TTN: variants seen among roughly 807,000 people sequenced by gnomAD.
TTN encodes the protein connectin.
In TTN, 1,525 loss-of-function variants were observed where a neutral mutation model predicts 3,223.0. That is an observed-to-expected ratio of 0.47 (90% confidence interval 0.45 to 0.49). The LOEUF is 0.49. Ranked by LOEUF, TTN falls within the 20% of genes least tolerant of loss-of-function variation. The probability of loss-of-function intolerance (pLI) is 0.00; values close to 1 mark genes in which losing one functional copy is unlikely to be tolerated. For synonymous variants in TTN, 14,094 were observed against 15,161.0 expected, an observed-to-expected ratio of 0.93 and a Z score of 5.17; for missense variants, 40,786 against 43,424.0, an observed-to-expected ratio of 0.94 and a Z score of 5.40.
chr2:178,558,300 A>C, intron 327 of TTN, 41 bp downstream of exon 327: 1 of 1,592,376 alleles, frequency 6.3e-7, no homozygotes, highest in Non-Finnish European at 8.5e-7. Flanking sequence ...AAATCAATGC[A>C]AATAATTTCA....
At chr2:178,675,137 G>A in intron 149 of TTN, 24 bp from the exon 150 acceptor site, 3 of 1,490,136 alleles carry the variant, frequency 2.0e-6, no homozygotes, top group Non-Finnish European at 2.7e-6. Context: ...GATTATTTTA[G>A]ACACTTAAAA....
rs370769662 is a variant in TTN, at chr2:178,546,351, T to C, written c.94980A>G (p.Glu31660=). The change falls in exon 342 of 363, where the codon GAA becomes GAG. Residue 31660 remains glutamate (E), a synonymous_variant. Transcript: ENST00000589042. Reference sequence around the variant, plus strand: ...TGCCAGTATACTGCAAAGAGACTTTTTCACAGAGATCTAGCTCCTTGTCTC... The same window carrying C: ...TGCCAGTATACTGCAAAGAGACTTTCTCACAGAGATCTAGCTCCTTGTCTC... ...TKGDKELDLC[E]KVSLQYTGKR... 24 of 1,613,706 alleles carry C rather than the reference T, an allele frequency of 1.5e-5. No homozygotes were observed. The African/African-American group carries it at 2.3e-4, about 15-fold the overall frequency.
intron 288 of TTN, among the ~76,000 whole-genome samples, chr2:178,600,123 T>A (rs1008361776): frequency 6.6e-6 from 1 of 151,964 alleles, no homozygotes; most frequent in Non-Finnish European, 1.5e-5. Flanking sequence ...TGTGTATTAT[T>A]ATATTCTCAT....
At chr2:178,583,444 G>C in intron 312 of TTN, 163 bp downstream of exon 312, 1 of 880,446 alleles carries the variant, frequency 1.1e-6, no homozygotes, top group Non-Finnish European at 1.6e-6. Context: ...TTTTAATTTA[G>C]CATGTTATTA....
In TTN at chr2:178,559,643, A is replaced by G; in HGVS notation, c.86489T>C (p.Val28830Ala). The change falls in exon 326 of 363, where the codon GTT (valine) becomes GCT (alanine). Residue 28830 changes from valine to alanine, a missense_variant. Transcript: ENST00000589042. ...TAAGGTCAGTGAAGCAGCACTCAAA[A>G]CATTCTGAATTGTTAATGTGTACTT... is the stretch of plus-strand genomic sequence containing the variant. ...SGKYTLTIQN[V>A]LSAASLTLVV... The G allele has an allele frequency of 6.2e-7, 1 of 1,613,666 alleles. No individual in the cohort carries two copies. The highest frequency in any genetic ancestry group is 8.5e-7 in the Non-Finnish European group (1 of 1,179,740).
At chr2:178,617,539 T>C in intron 253 of TTN, 27 bp from the exon 254 acceptor site, 1 of 1,555,426 alleles carries the variant, frequency 6.4e-7, no homozygotes, top group Non-Finnish European at 8.6e-7. Flanking sequence ...AGTTGGAGCA[T>C]ACCATTTACG....
chr2:178,667,650 T>A lies in TTN; in HGVS notation c.35617A>T (p.Lys11873Ter). The A allele has an allele frequency of 1.3e-6, 2 of 1,597,004 alleles. No homozygotes were observed. Among genetic ancestry groups the A allele is most frequent in the Non-Finnish European group, 1.7e-6 (2 of 1,179,044 alleles). Reference protein sequence around the residue: ...LVTQPQKTKPKLAKVPEPPKK... With the variant: ...LVTQPQKTKP ...TGGTGTTATATACCTTTTGCTAGTT[T>A]GGGTTTTGTCTTTTGAGGTTGAGTC... Residue 11873 changes from lysine (K) to a stop codon, truncating the protein, a stop_gained, in exon 160 of 363, where the codon AAA becomes TAA. Coordinates refer to ENST00000589042, the MANE Select transcript of TTN (RefSeq NM_001267550.2). LOFTEE classifies it high-confidence loss of function.
rs369648778 is a variant in TTN, at chr2:178,609,414, G to A, written c.51896C>T (p.Pro17299Leu). Residue 17299 changes from proline (P) to leucine (L), a missense_variant, in exon 273 of 363, where the codon CCC (proline) becomes CTC (leucine). Coordinates refer to ENST00000589042, the MANE Select transcript of TTN (RefSeq NM_001267550.2). ...TTCACCCTTCCTTCTCCTAACCAAGGGTGCTGCACGCTTCTTAATTTCCTC... is the reference window on the plus strand; with the variant it reads ...TTCACCCTTCCTTCTCCTAACCAAGAGTGCTGCACGCTTCTTAATTTCCTC... ...VPEEIKKRAA[P>L]LVRRRKGEVQ... 127 of 1,611,970 alleles carry A rather than the reference G, an allele frequency of 7.9e-5. No homozygotes were observed. The highest frequency in any genetic ancestry group is 1.8e-4 in the Admixed American group (11 of 59,876).
intron 304 of TTN, 70 bp from the exon 305 acceptor site, chr2:178,588,289 T>G: frequency 7.2e-7 from 1 of 1,384,842 alleles, no homozygotes; most frequent in Admixed American, 2.7e-5. Context: ...ATATAGCCTA[T>G]TCTCAGTTAA....
Position 178,530,262 on chromosome 2 carries a change from G to A in TTN, c.106353C>T (p.Ala35451=). ...TTACCTTTCCATCTTTTGTCCAGAT[G>A]GCAGTTGGCCGGGGTTCTCCAGTAG... is the stretch of plus-strand genomic sequence containing the variant. The part of the protein sequence containing the change: ...VKATGEPRPT[A]IWTKDGKAIT... Residue 35451 remains alanine (A), a synonymous_variant, in exon 358 of 363, where the codon GCC becomes GCT. Transcript: ENST00000589042. 1 of 1,604,586 alleles carries A rather than the reference G, an allele frequency of 6.2e-7. No individual in the cohort carries two copies. The highest frequency in any genetic ancestry group is 1.1e-5 in the South Asian group (1 of 89,524).
Position 178,579,727 on chromosome 2 carries a change from G to A in TTN, c.67470C>T (p.Phe22490=). Residue 22490 remains phenylalanine (F), a synonymous_variant, in exon 319 of 363, where the codon TTC becomes TTT. Transcript: ENST00000589042. ...GTTGCCACTTATTTTCTTCAGTCAGGAAATCAACTACATATCCAATAATCC... is the reference window on the plus strand; with the variant it reads ...GTTGCCACTTATTTTCTTCAGTCAGAAAATCAACTACATATCCAATAATCC... The part of the protein sequence containing the change: ...GSRIIGYVVD[F]LTEENKWQRV... The A allele has an allele frequency of 6.2e-7, 1 of 1,613,172 alleles. No individual in the cohort carries two copies. The highest frequency in any genetic ancestry group is 8.5e-7 in the Non-Finnish European group (1 of 1,179,478).
At chr2:178,750,045 C>CAG (rs767786560) in intron 47 of TTN, 1 of 1,613,200 alleles carries the variant, frequency 6.2e-7, no homozygotes, top group South Asian at 1.1e-5. Flanking sequence ...TCTTTAGACT[C>CAG]TTTATCCTGT....
chr2:178,599,772 C>T lies in TTN; in HGVS notation c.56129G>A (p.Gly18710Asp). ...TNVNIVAKIK[G>D]VPFPTLTWFK... The stretch of plus-strand genomic sequence containing the variant: ...CCAGGTTAGTGTCGGGAATGGCACA[C>T]CTTTAATTTTGGCCACAATGTTAAC... Residue 18710 changes from glycine to aspartate, a missense_variant, in exon 289 of 363, where the codon GGT becomes GAT. Physicochemically the swap from Gly to Asp is moderately conservative, Grantham distance 94. Coordinates refer to ENST00000589042, the MANE Select transcript of TTN (RefSeq NM_001267550.2). 1 of 1,611,404 alleles carries T rather than the reference C, an allele frequency of 6.2e-7. No individual in the cohort carries two copies. The highest frequency in any genetic ancestry group is 2.2e-5 in the East Asian group (1 of 44,624).
chr2:178,612,282 G>A lies in TTN; in HGVS notation c.50243C>T (p.Thr16748Ile). The A allele has an allele frequency of 6.2e-7, 1 of 1,612,032 alleles. No homozygotes were observed. The highest frequency in any genetic ancestry group is 8.5e-7 in the Non-Finnish European group (1 of 1,179,010). Reference protein sequence around the residue: ...EIEDSVLAKDTFTTPGPPYAL... With the variant: ...EIEDSVLAKDIFTTPGPPYAL... ...GATTAAGTGCAAGAGCATACTAAAG[G>A]TGTCTTTGGCCAGCACAGAGTCCTC... Residue 16748 changes from threonine to isoleucine, a missense_variant, in exon 266 of 363, where the codon ACC becomes ATC. Coordinates refer to ENST00000589042, the MANE Select transcript of TTN (RefSeq NM_001267550.2).
Position 178,544,410 on chromosome 2 carries a change from T to A in TTN, c.95819A>T (p.Asp31940Val). 1 of 1,613,738 alleles carries A rather than the reference T, an allele frequency of 6.2e-7. No homozygotes were observed. Among genetic ancestry groups the A allele is most frequent in the South Asian group, 1.1e-5 (1 of 91,086 alleles). Residue 31940 changes from aspartate to valine, a missense_variant, in exon 345 of 363, where the codon GAC becomes GTC. Physicochemically the swap from Asp to Val is radical, Grantham distance 152. Coordinates refer to ENST00000589042, the MANE Select transcript of TTN (RefSeq NM_001267550.2). ...WTKPMYDGGT[D>V]IVGYVLEMQE... ...CATTTCCAGAACATATCCTACAATG[T>A]CAGTACCACCATCGTACATGGGTTT...
rs794729305 is a variant in TTN, at chr2:178,535,388, G to A, written c.101227C>T (p.Arg33743Ter). The A allele has an allele frequency of 2.5e-6, 4 of 1,613,690 alleles. No homozygotes were observed. The highest frequency in any genetic ancestry group is 2.2e-5 in the East Asian group (1 of 44,886). Residue 33743 changes from arginine (R) to a stop codon, truncating the protein, a stop_gained, in exon 358 of 363, where the codon CGA (arginine) becomes TGA (stop). Transcript: ENST00000589042. LOFTEE classifies it high-confidence loss of function. Reference protein sequence around the residue: ...AERWLRVGQARETRYTVINLF... With the variant: ...AERWLRVGQA ...TTGATCACGGTATAACGTGTTTCTC[G>A]GGCCTGTCCTACACGGAGCCATCTT...
chr2:178,784,210 G>T lies in TTN; in HGVS notation c.2635C>A (p.Pro879Thr), dbSNP rs2093003375. 3.7e-6 allele frequency: 6 copies of T among 1,614,190 alleles called. No homozygotes were observed. Among genetic ancestry groups the T allele is most frequent in the Non-Finnish European group, 5.1e-6 (6 of 1,180,014 alleles). Residue 879 changes from proline to threonine, a missense_variant, in exon 16 of 363, where the codon CCA (proline) becomes ACA (threonine). Transcript: ENST00000589042. Reference protein sequence around the residue: ...TRVRAEPTPLPQFPFADTPDT... With the variant: ...TRVRAEPTPLTQFPFADTPDT... ...GGTGTGTCAGCGAAGGGGAACTGTG[G>T]CAAGGGTGTGGGCTCTGCCCTTACT...
In TTN at chr2:178,557,101, A is replaced by G; in HGVS notation, c.88053T>C (p.Ser29351=). The change falls in exon 330 of 363, where the codon TCT becomes TCC. Residue 29351 remains serine, a synonymous_variant. Coordinates refer to ENST00000589042, the MANE Select transcript of TTN (RefSeq NM_001267550.2). ...NVRITDISKN[S]VSLSWQQPAF... is the part of the protein sequence containing the mutation. ...CTGGTTGTTGCCATGAAAGGCTGACAGAGTTCTTTGAAATATCAGTGATAC... is the reference window on the plus strand; with the variant it reads ...CTGGTTGTTGCCATGAAAGGCTGACGGAGTTCTTTGAAATATCAGTGATAC... 1.2e-6 allele frequency: 2 copies of G among 1,613,732 alleles called. No homozygotes were observed. The highest frequency in any genetic ancestry group is 1.7e-6 in the Non-Finnish European group (2 of 1,179,778).
chr2:178,526,270 T>C lies in TTN; in HGVS notation c.*742A>G, dbSNP rs72629797. On this transcript the variant is annotated 3_prime_UTR_variant, in exon 363 of 363. Transcript: ENST00000589042. ...GGCTGCACTCTGGGACCTCCAAGAG[T>C]TGGCACTGCTCTGGCATAGGAATAC... is the stretch of plus-strand genomic sequence containing the variant. 6 of 152,312 alleles carry C rather than the reference T, an allele frequency of 3.9e-5. No individual in the cohort carries two copies. The highest frequency in any genetic ancestry group is 8.8e-5 in the Non-Finnish European group (6 of 67,952). 9.4% of individuals were successfully genotyped at this position (152,312 alleles called of 1,614,324 possible).
Sources: gnomAD v4.1 joint callset for allele counts (sites outside exome capture counted in the v4.1 genomes callset) on GRCh38, gnomAD v4.1.1 for gene constraint, MANE v1.5 for transcripts, NCBI Gene and HGNC (gene_info 2026-07-23, HGNC 2026-07-21) for gene names.